PTH2R: variants seen among roughly 807,000 people sequenced by gnomAD.
PTH2R encodes parathyroid hormone 2 receptor.
A neutral mutation model predicts 60.3 loss-of-function variants in PTH2R; 59 were observed. The ratio of observed to expected loss-of-function variants is 0.98; its 90% CI spans 0.79 to 1.22. The LOEUF (loss-of-function observed/expected upper bound fraction) is 1.22, where lower values mean the gene tolerates loss of function less well. Among genes scored for constraint, PTH2R ranks in the 50% most tolerant of loss-of-function variants. The pLI, the probability that PTH2R is intolerant of heterozygous loss-of-function variation, is 0.00. For synonymous variants in PTH2R, 256 were observed against 243.8 expected (o/e 1.05, Z -0.47); for missense variants, 749 against 682.6 (o/e 1.10, Z -1.08).
chr2:208,474,544 G>A (rs181389959), intron 9 of PTH2R, among the ~76,000 whole-genome samples: 32 of 152,294 alleles, frequency 2.1e-4, no homozygotes, highest in Admixed American at 1.6e-3. Context: ...GGGTTTTCCC[G>A]GCATAGAGAT....
At chr2:208,491,663 C>T (rs1013528868) in intron 12 of PTH2R, among the ~76,000 whole-genome samples, 3 of 151,824 alleles carry the variant, frequency 2.0e-5, no homozygotes, top group African/African-American at 7.3e-5. Flanking sequence ...CAGGCACAGC[C>T]CCTCCTACCC....
intron 2 of PTH2R, among the ~76,000 whole-genome samples, chr2:208,434,702 A>G (rs1426778239): frequency 2.0e-5 from 3 of 152,202 alleles, no homozygotes; most frequent in Admixed American, 6.5e-5. Context: ...TACTGGGCAC[A>G]TATCGACTGG....
chr2:208,386,334 G>A (rs1306780242), intron 1 of PTH2R, among the ~76,000 whole-genome samples: 1 of 152,126 alleles, frequency 6.6e-6, no homozygotes, highest in African/African-American at 2.4e-5. Flanking sequence ...CTATATATAT[G>A]GTATTGATGT....
At chr2:208,417,640 C>G (rs1265080882) in intron 1 of PTH2R, among the ~76,000 whole-genome samples, 1 of 150,430 alleles carries the variant, frequency 6.6e-6, no homozygotes, top group Non-Finnish European at 1.5e-5. Flanking sequence ...GCAACCTCCT[C>G]CCGGATTAAA....
chr2:208,455,920 T>A (rs1702503000), intron 8 of PTH2R, among the ~76,000 whole-genome samples: 1 of 152,114 alleles, frequency 6.6e-6, no homozygotes, highest in Non-Finnish European at 1.5e-5. Flanking sequence ...ACAAAAGAAG[T>A]CTCTTTCAGA....
intron 4 of PTH2R, among the ~76,000 whole-genome samples, chr2:208,439,739 G>A (rs1157443599): frequency 6.6e-6 from 1 of 152,064 alleles, no homozygotes; most frequent in Non-Finnish European, 1.5e-5. Flanking sequence ...ATTTAAAACA[G>A]TAGCATACTG....
At chr2:208,393,571 C>T (rs1215286184) in intron 1 of PTH2R, among the ~76,000 whole-genome samples, 5 of 152,196 alleles carry the variant, frequency 3.3e-5, no homozygotes, top group Non-Finnish European at 7.3e-5. Flanking sequence ...CCTCTCTCCT[C>T]TTTTTCTCCT....
At chr2:208,409,421 T>A (rs1031296478) in intron 1 of PTH2R, among the ~76,000 whole-genome samples, 4 of 152,236 alleles carry the variant, frequency 2.6e-5, no homozygotes, top group African/African-American at 4.8e-5. Context: ...ACTTCAAATA[T>A]CAATTGCTGA....
chr2:208,409,550 A>G (rs11904715), intron 1 of PTH2R, among the ~76,000 whole-genome samples: 11,901 of 152,258 alleles, frequency 0.078, 508 homozygotes, highest in African/African-American at 0.085. Context: ...GATATTTCAA[A>G]AAAATTATAA....
intron 1 of PTH2R, among the ~76,000 whole-genome samples, chr2:208,408,745 A>AGAGAGAGAGAGAGAGC (rs1367295537): frequency 2.0e-5 from 3 of 150,376 alleles, no homozygotes; most frequent in African/African-American, 7.3e-5. Context: ...AGAGAAAGAG[A>AGAGAGAGAGAGAGAGC]GAGAGAGAGA....
At chr2:208,376,853 C>CT (rs967528818) in intron 1 of PTH2R, among the ~76,000 whole-genome samples, 22 of 147,942 alleles carry the variant, frequency 1.5e-4, no homozygotes, top group Non-Finnish European at 1.8e-4. Context: ...ATGCCTCTTT[C>CT]TTTTTTTTTT....
At chr2:208,380,220 A>G (rs1427111024) in intron 1 of PTH2R, among the ~76,000 whole-genome samples, 1 of 152,122 alleles carries the variant, frequency 6.6e-6, no homozygotes, top group African/African-American at 2.4e-5. Context: ...ATAATTTGTC[A>G]TATTGAATAG....
intron 2 of PTH2R, among the ~76,000 whole-genome samples, chr2:208,434,356 A>C (rs1702031855): frequency 6.6e-6 from 1 of 152,060 alleles, no homozygotes; most frequent in Non-Finnish European, 1.5e-5. Flanking sequence ...CAATTTTTTC[A>C]ACCTTTTGTG....
At chr2:208,379,413 A>G (rs1298453649) in intron 1 of PTH2R, among the ~76,000 whole-genome samples, 2 of 152,226 alleles carry the variant, frequency 1.3e-5, no homozygotes, top group Non-Finnish European at 2.9e-5. Flanking sequence ...TTCAGCCTGT[A>G]TTTCTGCAGG....
At chr2:208,377,539 CGGGGGCTGACCCCCCACCTGCCTCT>C (rs1374325539) in intron 1 of PTH2R, among the ~76,000 whole-genome samples, 1 of 143,824 alleles carries the variant, frequency 7.0e-6, no homozygotes, top group Non-Finnish European at 1.5e-5. Flanking sequence ...GCTGGCCGGG[CGGGGGCTGACCCCCCACCTGCCTCT>C]GGGACGGGGC....
intron 1 of PTH2R, among the ~76,000 whole-genome samples, chr2:208,377,486 G>T (rs533686581): frequency 6.7e-6 from 1 of 150,042 alleles, no homozygotes; most frequent in African/African-American, 2.5e-5. Context: ...ATGGGGCGGC[G>T]GCTGGGTGGA....
Position 208,406,873 on chromosome 2 carries a change from G to A in PTH2R, c.-171G>A, listed in dbSNP as rs952454702. ...GCACGCGGGTTCTGAGAAGCGCGTG[G>A]CTCCGGCGACAAGACCCCAAGCACC... On this transcript the variant is annotated 5_prime_UTR_variant, in exon 1 of 13. Coordinates refer to ENST00000272847, the MANE Select transcript of PTH2R (RefSeq NM_005048.4). The A allele has an allele frequency of 6.9e-5, 31 of 449,152 alleles. No individual in the cohort carries two copies. Among genetic ancestry groups the A allele is most frequent in the Non-Finnish European group, 1.1e-4 (28 of 259,450 alleles). The allele number at this position is 449,152 out of a possible 1,614,324, so 27.8% of individuals were successfully genotyped here.
At chr2:208,480,584 T>A (rs1446625306) in intron 9 of PTH2R, among the ~76,000 whole-genome samples, 1 of 152,196 alleles carries the variant, frequency 6.6e-6, no homozygotes, top group Non-Finnish European at 1.5e-5. Context: ...TTTTCTTATG[T>A]AACATCTTAC....
Position 208,437,462 on chromosome 2 carries a change from T to G in PTH2R, c.179-75T>G, listed in dbSNP as rs1026965476. 6.6e-5 allele frequency: 86 copies of G among 1,300,876 alleles called. No homozygotes were observed. The South Asian group carries it at 1.3e-3, about 19-fold the overall frequency. 80.6% of individuals were successfully genotyped at this position (1,300,876 alleles called of 1,614,324 possible). A position where few individuals can be genotyped will look rare whatever the true frequency, so the allele number is the denominator to read the frequency against. On this transcript the variant is annotated intron_variant, in intron 2 of 12. Transcript: ENST00000272847. ...ACAGACAATGACCTAAAATTTTGTT[T>G]TTTGAATGCATTTGTTCTCTGGTTC...
Sources: allele counts gnomAD v4.1 joint callset (sites outside exome capture counted in the v4.1 genomes callset), GRCh38; gene constraint gnomAD v4.1.1; transcripts MANE v1.5; gene names NCBI Gene and HGNC (gene_info 2026-07-23, HGNC 2026-07-21).